Variants in SLC4A10 observed in about 807,000 individuals in gnomAD.
SLC4A10 encodes the protein solute carrier family 4 member 10.
SLC4A10 carries 42 observed loss-of-function variants against 137.7 expected under a neutral mutation model. The observed-to-expected ratio is 0.30, with a 90% CI of 0.24 to 0.39. The LOEUF is 0.39. Among genes scored for constraint, SLC4A10 ranks in the 10% least tolerant of loss-of-function variants. The probability of loss-of-function intolerance (pLI) is 1.00; values close to 1 mark genes in which losing one functional copy is unlikely to be tolerated. For synonymous variants in SLC4A10, 474 were observed against 464.1 expected (o/e 1.02, Z -0.27); for missense variants, 925 against 1,355.0 (o/e 0.68, Z 4.98).
At chr2:161,962,287 T>G (rs1450788777) in intron 21 of SLC4A10, among the ~76,000 whole-genome samples, 1 of 152,124 alleles carries the variant, frequency 6.6e-6, no homozygotes, top group Non-Finnish European at 1.5e-5. Flanking sequence ...ATTCCAACAC[T>G]TCAGGAATCC....
chr2:161,762,918 C>T (rs2050400688), intron 1 of SLC4A10, among the ~76,000 whole-genome samples: 1 of 151,932 alleles, frequency 6.6e-6, no homozygotes, highest in African/African-American at 2.4e-5. Context: ...ATTTTTACTG[C>T]TCCTTAAATT....
chr2:161,771,349 A>C (rs897461303), intron 2 of SLC4A10, among the ~76,000 whole-genome samples: 13 of 151,868 alleles, frequency 8.6e-5, no homozygotes, highest in African/African-American at 2.9e-4. Context: ...ATTACAATCA[A>C]TTGAGACATG....
intron 2 of SLC4A10, among the ~76,000 whole-genome samples, chr2:161,793,094 T>C (rs1008593840): frequency 6.6e-6 from 1 of 152,300 alleles, no homozygotes; most frequent in Middle Eastern, 3.4e-3. Flanking sequence ...TTGAATGTTC[T>C]CGTTTATATT....
At position 161,928,667 on chromosome 2, in the gene SLC4A10, A is replaced by C. The variant is rs1406626003; in HGVS notation, c.1998-14125A>C. ...TTGAAAGCAAAAAAAAAAAAAAAAA[A>C]AGTAGGAGTTTCAGGTTGGGACAGA... On this transcript the variant is annotated intron_variant, in intron 15 of 26. Transcript: ENST00000446997. Among the ~76,000 whole-genome samples, 3 of 150,448 alleles carry C rather than the reference A, an allele frequency of 2.0e-5. No homozygotes were observed. The East Asian group carries it at 5.9e-4, about 30-fold the overall frequency.
chr2:161,766,327 A>C (rs2050789836), intron 1 of SLC4A10, among the ~76,000 whole-genome samples: 1 of 152,142 alleles, frequency 6.6e-6, no homozygotes, highest in Non-Finnish European at 1.5e-5. Context: ...GTTTTGGTTG[A>C]GGATAGCATA....
chr2:161,670,791 G>T (rs112367087), intron 1 of SLC4A10, among the ~76,000 whole-genome samples: 2 of 151,910 alleles, frequency 1.3e-5, no homozygotes, highest in Non-Finnish European at 2.9e-5. Context: ...ACTTCAGTAT[G>T]ACATTTCCTG....
intron 1 of SLC4A10, among the ~76,000 whole-genome samples, chr2:161,653,981 A>G (rs1047294825): frequency 6.6e-6 from 1 of 152,162 alleles, no homozygotes; most frequent in Non-Finnish European, 1.5e-5. Context: ...TTTTTCCATG[A>G]CTACTATTTT....
At chr2:161,948,015 A>G (rs1394661683) in intron 17 of SLC4A10, among the ~76,000 whole-genome samples, 2 of 152,136 alleles carry the variant, frequency 1.3e-5, no homozygotes, top group Non-Finnish European at 2.9e-5. Flanking sequence ...TTTTTTGCCC[A>G]GTGAACAGTG....
intron 3 of SLC4A10, among the ~76,000 whole-genome samples, chr2:161,833,651 A>G (rs1290571637): frequency 6.6e-6 from 1 of 152,216 alleles, no homozygotes; most frequent in African/African-American, 2.4e-5. Flanking sequence ...AGTTTATTCT[A>G]GACACACCAT....
intron 16 of SLC4A10, among the ~76,000 whole-genome samples, chr2:161,945,602 G>A (rs1188799296): frequency 6.6e-6 from 1 of 151,714 alleles, no homozygotes. Flanking sequence ...ATGTGTGCAT[G>A]TATGTATGTG....
chr2:161,974,715 A>G (rs1440009571), intron 24 of SLC4A10, among the ~76,000 whole-genome samples: 1 of 152,172 alleles, frequency 6.6e-6, no homozygotes, highest in African/African-American at 2.4e-5. Flanking sequence ...TAAAAGTGGA[A>G]TTTCCAATGA....
chr2:161,705,794 A>G (rs757160241), intron 1 of SLC4A10, among the ~76,000 whole-genome samples: 5 of 151,518 alleles, frequency 3.3e-5, no homozygotes, highest in Non-Finnish European at 5.9e-5. Context: ...TAGCAGCCCA[A>G]ATGGACTAAG....
intron 1 of SLC4A10, among the ~76,000 whole-genome samples, chr2:161,739,836 G>GT (rs776709175): frequency 2.0e-5 from 3 of 152,180 alleles, no homozygotes; most frequent in African/African-American, 4.8e-5. Flanking sequence ...ATGGACTCAG[G>GT]TGGCCACCTT....
At chr2:161,964,445 G>C in intron 22 of SLC4A10, 137 bp downstream of exon 22, 2 of 899,434 alleles carry the variant, frequency 2.2e-6, no homozygotes, top group Non-Finnish European at 3.4e-6. Flanking sequence ...GGCACTGAAA[G>C]TGTGACTAAG....
intron 15 of SLC4A10, among the ~76,000 whole-genome samples, chr2:161,933,207 CTTTCTT>C (rs1690837588): frequency 8.4e-6 from 1 of 118,616 alleles, no homozygotes; most frequent in African/African-American, 3.1e-5. Flanking sequence ...TTCTTTCTTT[CTTTCTT>C]TCTTTCTTTC....
chr2:161,826,139 T>G (rs1399025876), intron 3 of SLC4A10, among the ~76,000 whole-genome samples: 1 of 152,194 alleles, frequency 6.6e-6, no homozygotes, highest in African/African-American at 2.4e-5. Flanking sequence ...GAACACAATT[T>G]TAAAGTTCAA....
At chr2:161,801,352 T>C (rs1002255417) in intron 2 of SLC4A10, among the ~76,000 whole-genome samples, 1 of 151,958 alleles carries the variant, frequency 6.6e-6, no homozygotes, top group Admixed American at 6.6e-5. Flanking sequence ...GCCCAACTTC[T>C]CTCTTAATAT....
chr2:161,944,388 G>T (rs1021832259), intron 16 of SLC4A10, among the ~76,000 whole-genome samples: 2 of 151,656 alleles, frequency 1.3e-5, no homozygotes, highest in Non-Finnish European at 3.0e-5. Context: ...TATGTGTTTT[G>T]TATTATGTGA....
chr2:161,703,301 A>G (rs964808060), intron 1 of SLC4A10, among the ~76,000 whole-genome samples: 2 of 151,750 alleles, frequency 1.3e-5, no homozygotes, highest in African/African-American at 4.8e-5. Flanking sequence ...TTGGTTCAAT[A>G]AAGTATGGTA....
Sources: gnomAD v4.1 joint callset for allele counts (sites outside exome capture counted in the v4.1 genomes callset) on GRCh38, gnomAD v4.1.1 for gene constraint, MANE v1.5 for transcripts, NCBI Gene and HGNC (gene_info 2026-07-23, HGNC 2026-07-21) for gene names.